Variants in SORCS1 observed in about 807,000 individuals in gnomAD.
SORCS1 encodes VPS10 domain-containing receptor SorCS1.
In SORCS1, 60 loss-of-function variants were observed where a neutral mutation model predicts 146.1. The ratio of observed to expected loss-of-function variants is 0.41; its 90% CI spans 0.33 to 0.51. SORCS1 has a LOEUF of 0.51. Among genes scored for constraint, SORCS1 ranks in the 20% least tolerant of loss-of-function variants. The pLI, the probability that SORCS1 is intolerant of heterozygous loss-of-function variation, is 0.21. For missense variants in SORCS1, 1,352 were observed against 1,487.6 expected (o/e 0.91, Z 1.50); for synonymous variants, 637 against 584.0 (o/e 1.09, Z -1.31).
At chr10:107,155,437 G>A (rs745564465) in intron 1 of SORCS1, among the ~76,000 whole-genome samples, 11 of 152,106 alleles carry the variant, frequency 7.2e-5, no homozygotes, top group Non-Finnish European at 4.4e-5. Flanking sequence ...GACCCATGAG[G>A]ACAGTACTTT....
intron 2 of SORCS1, among the ~76,000 whole-genome samples, chr10:106,888,685 C>G (rs1051280071): frequency 6.6e-6 from 1 of 152,148 alleles, no homozygotes; most frequent in Non-Finnish European, 1.5e-5. Flanking sequence ...TGGAAATAAC[C>G]TACTCTCCAA....
At chr10:106,706,994 A>G (rs1044006580) in intron 7 of SORCS1, among the ~76,000 whole-genome samples, 2 of 152,118 alleles carry the variant, frequency 1.3e-5, no homozygotes, top group Admixed American at 6.5e-5. Flanking sequence ...TCCCTGTGCC[A>G]TATCAGAATG....
intron 4 of SORCS1, among the ~76,000 whole-genome samples, chr10:106,771,159 C>G (rs942478093): frequency 2.0e-5 from 3 of 152,206 alleles, no homozygotes; most frequent in African/African-American, 7.2e-5. Context: ...CTCCAAGAGC[C>G]CTTACCCCGG....
intron 18 of SORCS1, 70 bp from the exon 19 acceptor site, chr10:106,629,458 T>A: frequency 2.6e-6 from 4 of 1,526,032 alleles, no homozygotes; most frequent in Non-Finnish European, 3.6e-6. Context: ...GACTGGGGAC[T>A]ACGGCTTGTC....
At chr10:107,025,613 G>T (rs1958366976) in intron 1 of SORCS1, among the ~76,000 whole-genome samples, 1 of 152,200 alleles carries the variant, frequency 6.6e-6, no homozygotes. Flanking sequence ...TGATGACAGG[G>T]TAAAACAAAA....
rs1307026776 is a variant in SORCS1 at position 107,164,153 on chromosome 10, C to T, written c.374G>A (p.Ser125Asn). The T allele has an allele frequency of 1.2e-6, 2 of 1,612,962 alleles. No homozygotes were observed. The highest frequency in any genetic ancestry group is 8.5e-7 in the Non-Finnish European group (1 of 1,179,988). Residue 125 changes from serine to asparagine, a missense_variant, in exon 1 of 26, where the codon AGT becomes AAT. Around this residue, in one of 3 missense-constraint regions of SORCS1, gnomAD observed 490 missense variants for 489.1 expected, o/e 1.00. Transcript: ENST00000263054. This position sits in a 1 kb window ranked among gnomAD's most constrained non-coding sequence, Gnocchi z 6.8. ...QEKAERGEGA[S>N]RSPRGVLRDG... is the part of the protein sequence containing the mutation. ...TCTTAGCACTCCCCGGGGGCTCCGA[C>T]TCGCGCCCTCTCCCCGTTCTGCCTT...
At chr10:106,601,005 C>CT (rs1846206098) in intron 23 of SORCS1, among the ~76,000 whole-genome samples, 1 of 152,194 alleles carries the variant, frequency 6.6e-6, no homozygotes, top group Non-Finnish European at 1.5e-5. Context: ...CCAATATGGG[C>CT]TACAGGAGTG....
chr10:106,950,461 T>C (rs1954619928), intron 2 of SORCS1, among the ~76,000 whole-genome samples: 1 of 152,092 alleles, frequency 6.6e-6, no homozygotes, highest in Admixed American at 6.6e-5. Context: ...AATTGAAAAG[T>C]GCACGTATCT....
intron 18 of SORCS1, among the ~76,000 whole-genome samples, chr10:106,642,445 T>C (rs1849135255): frequency 1.3e-5 from 2 of 152,124 alleles, no homozygotes; most frequent in Non-Finnish European, 2.9e-5. Context: ...CCTGTTTTTA[T>C]AAAGAATTGA....
intron 5 of SORCS1, among the ~76,000 whole-genome samples, chr10:106,752,322 C>A (rs10736189): frequency 1.3e-5 from 2 of 151,558 alleles, no homozygotes. Context: ...GGTGGGCTTT[C>A]GTATACGGCC....
At chr10:106,956,129 CAAA>C (rs201562634) in intron 2 of SORCS1, among the ~76,000 whole-genome samples, 4 of 125,458 alleles carry the variant, frequency 3.2e-5, no homozygotes, top group Admixed American at 8.3e-5. Flanking sequence ...AACTCCGTCT[CAAA>C]AAAAAAAAAA....
intron 5 of SORCS1, among the ~76,000 whole-genome samples, chr10:106,745,033 T>C (rs1166869144): frequency 3.3e-5 from 5 of 152,168 alleles, no homozygotes; most frequent in African/African-American, 9.7e-5. Context: ...CAAAAAGTCT[T>C]GCCCTTAATT....
the SORCS1 span, among the ~76,000 whole-genome samples, chr10:107,179,281 G>T: frequency 6.6e-6 from 1 of 151,982 alleles, no homozygotes; most frequent in African/African-American, 2.4e-5. Context: ...TATTTTTATT[G>T]TTTTCACTAC....
intron 24 of SORCS1, among the ~76,000 whole-genome samples, chr10:106,583,523 T>G (rs1049253236): frequency 3.3e-5 from 5 of 152,044 alleles, no homozygotes; most frequent in African/African-American, 1.2e-4. Flanking sequence ...TTGTTTTGTT[T>G]TTAGATGAAG....
At chr10:106,896,579 T>C (rs766145815) in intron 2 of SORCS1, among the ~76,000 whole-genome samples, 49 of 151,920 alleles carry the variant, frequency 3.2e-4, no homozygotes, top group Non-Finnish European at 5.9e-5. Flanking sequence ...AATGTGAATA[T>C]ATGTAACACT....
intron 1 of SORCS1, among the ~76,000 whole-genome samples, chr10:107,047,024 T>TAAAA (rs1959542064): frequency 6.6e-6 from 1 of 152,230 alleles, no homozygotes; most frequent in Admixed American, 6.5e-5. Flanking sequence ...AATCTCGCTC[T>TAAAA]ATTGTCCATG....
At chr10:106,689,294 A>C (rs1379143278) in intron 9 of SORCS1, among the ~76,000 whole-genome samples, 2 of 152,184 alleles carry the variant, frequency 1.3e-5, no homozygotes, top group African/African-American at 4.8e-5. Context: ...TGCATATTTT[A>C]CCCTGCTTGC....
chr10:106,657,661 ATG>A (rs10561308), intron 17 of SORCS1, among the ~76,000 whole-genome samples: 98,525 of 145,116 alleles, frequency 0.68, 34,347 homozygotes, highest in Non-Finnish European at 0.77. Context: ...ATAACACTAT[ATG>A]TGTGTGTGTG....
chr10:106,690,773 TG>T (rs1463050099), intron 9 of SORCS1, among the ~76,000 whole-genome samples: 2 of 152,354 alleles, frequency 1.3e-5, no homozygotes, highest in East Asian at 3.9e-4. Context: ...TTTCTTTTGT[TG>T]CTTTGGCCTG....
Sources: allele counts gnomAD v4.1 joint callset (sites outside exome capture counted in the v4.1 genomes callset), GRCh38; gene constraint gnomAD v4.1.1; regional missense constraint gnomAD v4.1.1; non-coding constraint Gnocchi (gnomAD v3.1); transcripts MANE v1.5; gene names NCBI Gene and HGNC (gene_info 2026-07-23, HGNC 2026-07-21).